AFF3: variants seen among roughly 807,000 people sequenced by gnomAD.
The protein encoded by AFF3 is ALF transcription elongation factor 3.
In AFF3, 32 loss-of-function variants were observed where a neutral mutation model predicts 129.7. The ratio of observed to expected loss-of-function variants is 0.25; its 90% CI spans 0.19 to 0.33. The LOEUF is 0.33. AFF3 is among the 10% of genes least tolerant of loss of function. The probability of loss-of-function intolerance (pLI) is 1.00; values close to 1 mark genes in which losing one functional copy is unlikely to be tolerated. For synonymous variants in AFF3, 644 were observed against 635.4 expected (o/e 1.01, Z -0.20); for missense variants, 1,373 against 1,592.0 (o/e 0.86, Z 2.34).
intron 11 of AFF3, among the ~76,000 whole-genome samples, chr2:99,692,380 C>T (rs1675757185): frequency 6.6e-6 from 1 of 152,172 alleles, no homozygotes. Context: ...TCCTCATTCT[C>T]ACTCTCTCAT....
intron 7 of AFF3, among the ~76,000 whole-genome samples, chr2:99,872,594 AAAAATAAAATAAAATAAAATAAAAT>A (rs369133072): frequency 3.1e-5 from 4 of 127,610 alleles, no homozygotes; most frequent in African/African-American, 6.1e-5. Flanking sequence ...TGCTTCTTAC[AAAAATAAAATAAAATAAAATAAAAT>A]AAAATAAAAT....
At chr2:99,632,007 A>ATT (rs1558670404) in intron 13 of AFF3, among the ~76,000 whole-genome samples, 2 of 77,938 alleles carry the variant, frequency 2.6e-5, no homozygotes, top group African/African-American at 1.0e-4. Flanking sequence ...CCTTGCCAAC[A>ATT]CTTTTTTTTT....
intron 4 of AFF3, among the ~76,000 whole-genome samples, chr2:100,022,775 A>G (rs940657676): frequency 6.6e-6 from 1 of 152,220 alleles, no homozygotes; most frequent in Non-Finnish European, 1.5e-5. Context: ...TGCCACAGGC[A>G]ATACAGGCAG....
At chr2:99,801,593 C>G (rs1365743330) in intron 8 of AFF3, among the ~76,000 whole-genome samples, 1 of 152,174 alleles carries the variant, frequency 6.6e-6, no homozygotes, top group African/African-American at 2.4e-5. Flanking sequence ...ACTACTGAAG[C>G]ACAGAACTTG....
At chr2:99,788,140 A>T (rs1354861743) in intron 8 of AFF3, among the ~76,000 whole-genome samples, 2 of 152,218 alleles carry the variant, frequency 1.3e-5, no homozygotes, top group African/African-American at 4.8e-5. Flanking sequence ...TGTACAGTAC[A>T]TACTATTTCA....
At chr2:100,130,946 G>A (rs1348363108) in intron 1 of AFF3, among the ~76,000 whole-genome samples, 1 of 152,144 alleles carries the variant, frequency 6.6e-6, no homozygotes, top group Non-Finnish European at 1.5e-5. Flanking sequence ...CTGCAGGCCA[G>A]ACAACAATAA....
At chr2:99,907,357 T>G (rs973984783) in intron 7 of AFF3, among the ~76,000 whole-genome samples, 3 of 152,190 alleles carry the variant, frequency 2.0e-5, no homozygotes, top group Non-Finnish European at 2.9e-5. Flanking sequence ...AACTCAGTCA[T>G]TCTATGTGCA....
intron 7 of AFF3, among the ~76,000 whole-genome samples, chr2:99,864,576 T>C (rs1691239463): frequency 6.6e-6 from 1 of 152,180 alleles, no homozygotes; most frequent in African/African-American, 2.4e-5. Flanking sequence ...GACCAGCCAT[T>C]CAAGGGCTGC....
intron 7 of AFF3, among the ~76,000 whole-genome samples, chr2:99,986,694 G>T (rs1186129741): frequency 6.6e-6 from 1 of 152,158 alleles, no homozygotes; most frequent in East Asian, 1.9e-4. Context: ...GAAATCCATA[G>T]ATGTAAATAA....
At chr2:100,114,681 C>A (rs1293760311) in intron 2 of AFF3, among the ~76,000 whole-genome samples, 1 of 152,226 alleles carries the variant, frequency 6.6e-6, no homozygotes, top group African/African-American at 2.4e-5. Flanking sequence ...CACGCCTGGC[C>A]AGCCCTGCAT....
intron 7 of AFF3, among the ~76,000 whole-genome samples, chr2:99,910,022 A>T: frequency 6.6e-6 from 1 of 152,320 alleles, no homozygotes; most frequent in South Asian, 2.1e-4. Context: ...AAAAGAGCTA[A>T]AAATAAATAA....
intron 11 of AFF3, among the ~76,000 whole-genome samples, chr2:99,698,508 T>C (rs1023368908): frequency 1.3e-5 from 2 of 152,240 alleles, no homozygotes; most frequent in Non-Finnish European, 2.9e-5. Flanking sequence ...TGACTCACTT[T>C]GGGAATCTGG....
Position 99,546,982 on chromosome 2 carries a change from G to A in AFF3, c.*4492C>T. ...TGCATGTGCGCGCGTGTGTGCGTAT[G>A]TGTATGTATCAGGAAATAGCAAAGA... On this transcript the variant is annotated 3_prime_UTR_variant, in exon 25 of 25. Coordinates refer to ENST00000672756, the MANE Select transcript of AFF3 (RefSeq NM_001386135.1). 4.5e-6 allele frequency: 1 copy of A among 221,704 alleles called. No homozygotes were observed. The allele number at this position is 221,704 out of a possible 1,614,324, so 13.7% of individuals were successfully genotyped here.
intron 15 of AFF3, among the ~76,000 whole-genome samples, chr2:99,589,925 G>C (rs933283321): frequency 6.6e-6 from 1 of 152,226 alleles, no homozygotes; most frequent in Non-Finnish European, 1.5e-5. Flanking sequence ...GGTGTCTACA[G>C]TATTTGCTAT....
intron 7 of AFF3, among the ~76,000 whole-genome samples, chr2:99,852,310 C>A (rs1490832218): frequency 6.6e-6 from 1 of 151,950 alleles, no homozygotes; most frequent in Non-Finnish European, 1.5e-5. Flanking sequence ...AAAAACCTCC[C>A]GAGAGACTAT....
chr2:99,753,422 T>C (rs965462267), intron 8 of AFF3, among the ~76,000 whole-genome samples: 1 of 152,158 alleles, frequency 6.6e-6, no homozygotes, highest in Non-Finnish European at 1.5e-5. Context: ...TTGATTTGCC[T>C]GCACTTCCAA....
At chr2:99,838,049 T>C (rs1383540657) in intron 7 of AFF3, among the ~76,000 whole-genome samples, 1 of 152,166 alleles carries the variant, frequency 6.6e-6, no homozygotes, top group Non-Finnish European at 1.5e-5. Context: ...AAACATCCTC[T>C]GGATGTTGGA....
intron 20 of AFF3, among the ~76,000 whole-genome samples, chr2:99,561,446 C>T (rs543251738): frequency 6.6e-6 from 1 of 152,286 alleles, no homozygotes; most frequent in South Asian, 2.1e-4. Flanking sequence ...CATTTTATCA[C>T]TTTGGGATAG....
intron 4 of AFF3, among the ~76,000 whole-genome samples, chr2:100,067,390 A>T (rs905790183): frequency 1.2e-4 from 18 of 152,184 alleles, no homozygotes; most frequent in African/African-American, 4.3e-4. Flanking sequence ...GTGAGTGTAC[A>T]CATGTGTGCA....
Sources: allele counts gnomAD v4.1 joint callset (sites outside exome capture counted in the v4.1 genomes callset), GRCh38; gene constraint gnomAD v4.1.1; transcripts MANE v1.5; gene names NCBI Gene and HGNC (gene_info 2026-07-23, HGNC 2026-07-21).